The following SH3GLB1 variants were observed in gnomAD, a reference collection of about 807,000 sequenced individuals.
SH3GLB1 encodes the protein endophilin-B1.
In SH3GLB1, 17 loss-of-function variants were observed where a neutral mutation model predicts 42.0. The ratio of observed to expected loss-of-function variants is 0.40; its 90% confidence interval spans 0.28 to 0.61. SH3GLB1 has a LOEUF of 0.61. Among genes scored for constraint, SH3GLB1 ranks in the 20% least tolerant of loss-of-function variants. The pLI, the probability that SH3GLB1 is intolerant of heterozygous loss-of-function variation, is 0.36. For missense variants in SH3GLB1, 355 were observed against 426.3 expected, an observed-to-expected ratio of 0.83 and a Z score of 1.47; for synonymous variants, 132 against 146.6, an observed-to-expected ratio of 0.90 and a Z score of 0.72.
rs1410134048 is a variant in SH3GLB1 at position 86,723,970 on chromosome 1, A to T, written c.478-343A>T. ...GGCTTCTGGCTAGCAGACTCCAATAACATCCCTCCACCAATTGTGACAACC... is the reference window on the plus strand; with the variant it reads ...GGCTTCTGGCTAGCAGACTCCAATATCATCCCTCCACCAATTGTGACAACC... On this transcript the variant is annotated intron_variant, in intron 4 of 8. Coordinates refer to ENST00000370558, the MANE Select transcript of SH3GLB1 (RefSeq NM_016009.5). Among the ~76,000 whole-genome samples the T allele has an allele frequency of 5.3e-5, 8 of 152,348 alleles. No homozygotes were observed. In the East Asian group the frequency reaches 1.5e-3, roughly 29 times the overall value.
intron 1 of SH3GLB1, among the ~76,000 whole-genome samples, chr1:86,705,590 A>G (rs1653814354): frequency 6.6e-6 from 1 of 152,198 alleles, no homozygotes; most frequent in East Asian, 1.9e-4. Context: ...ACTCTTTTTC[A>G]AAATGGGAAG....
At chr1:86,739,366 A>G (rs1194660449) in intron 7 of SH3GLB1, among the ~76,000 whole-genome samples, 1 of 152,180 alleles carries the variant, frequency 6.6e-6, no homozygotes, top group African/African-American at 2.4e-5. Flanking sequence ...AACTAAGAGT[A>G]TGGCCTGGAA....
chr1:86,704,594 G>T lies in SH3GLB1; in HGVS notation c.-306G>T. The T allele has an allele frequency of 4.0e-6, 1 of 251,024 alleles. No homozygotes were observed. Among genetic ancestry groups the T allele is most frequent in the South Asian group, 5.5e-5 (1 of 18,138 alleles). 15.5% of individuals were successfully genotyped at this position (251,024 alleles called of 1,614,324 possible). On this transcript the variant is annotated 5_prime_UTR_variant, in exon 1 of 9. Coordinates refer to ENST00000370558, the MANE Select transcript of SH3GLB1 (RefSeq NM_016009.5). ...CGCGCTTGTTTTTCCCTTGGGACCC[G>T]GGTCCACACGGCGGGGTCGCCCGTC... is the stretch of plus-strand genomic sequence containing the variant.
chr1:86,727,046 T>TAAA (rs1259265858), intron 5 of SH3GLB1, among the ~76,000 whole-genome samples: 1 of 152,020 alleles, frequency 6.6e-6, no homozygotes. Flanking sequence ...ATTTACTTAC[T>TAAA]AGTTTCTTGT....
At chr1:86,712,440 T>C (rs1054738171) in intron 1 of SH3GLB1, among the ~76,000 whole-genome samples, 1 of 152,168 alleles carries the variant, frequency 6.6e-6, no homozygotes, top group African/African-American at 2.4e-5. Context: ...AGATGTGAGA[T>C]TGAATCCCAA....
chr1:86,705,356 C>A (rs1653792420), intron 1 of SH3GLB1, among the ~76,000 whole-genome samples: 1 of 152,290 alleles, frequency 6.6e-6, no homozygotes, highest in East Asian at 1.9e-4. Context: ...TCTTGCACTA[C>A]CCCCCACCCT....
At chr1:86,713,947 T>C (rs1390048850) in intron 1 of SH3GLB1, among the ~76,000 whole-genome samples, 1 of 152,222 alleles carries the variant, frequency 6.6e-6, no homozygotes, top group Non-Finnish European at 1.5e-5. Context: ...CTGAAACCCA[T>C]GTGTTTAGAA....
chr1:86,734,626 C>CA lies in SH3GLB1; in HGVS notation c.598dup (p.Ser200LysfsTer2), dbSNP rs1655688631. On this transcript the variant is annotated frameshift_variant, in exon 6 of 9. Transcript: ENST00000370558. LOFTEE classifies it high-confidence loss of function. ...GTCTGAACAGGAATTAAGAATAACT[C>CA]AAAGTGAATTTGATCGTCAAGCAGA... 6.2e-7 allele frequency: 1 copy of CA among 1,612,770 alleles called. No individual in the cohort carries two copies. The highest frequency in any genetic ancestry group is 1.7e-5 in the Admixed American group (1 of 59,962).
At chr1:86,719,366 T>A (rs188264014) in intron 2 of SH3GLB1, 141 bp from the exon 3 acceptor site, 9 of 444,118 alleles carry the variant, frequency 2.0e-5, no homozygotes, top group African/African-American at 1.8e-4. Flanking sequence ...ACATAAAATT[T>A]AAAAAATTAT....
chr1:86,719,582 TG>T lies in SH3GLB1; in HGVS notation c.293del (p.Gly98AspfsTer4). The T allele has an allele frequency of 5.6e-6, 9 of 1,611,456 alleles. No homozygotes were observed. The highest frequency in any genetic ancestry group is 4.2e-6 in the Non-Finnish European group (5 of 1,178,694). ...APSRINNPEL[L>X]GQYMIDAGTE... Reference sequence around the variant, plus strand: ...AGTCGTATAAACAACCCAGAACTTTTGGGACAATATATGATTGATGCAGGGA... The same window carrying T: ...AGTCGTATAAACAACCCAGAACTTTTGGACAATATATGATTGATGCAGGGA... On this transcript the variant is annotated frameshift_variant, in exon 3 of 9. Transcript: ENST00000370558. LOFTEE classifies it high-confidence loss of function.
chr1:86,736,134 G>A (rs1345461302), intron 7 of SH3GLB1, among the ~76,000 whole-genome samples: 1 of 152,116 alleles, frequency 6.6e-6, no homozygotes, highest in Non-Finnish European at 1.5e-5. Flanking sequence ...TAGTGTTCAA[G>A]AATGGAATGG....
chr1:86,729,132 A>C (rs906775612), intron 5 of SH3GLB1, among the ~76,000 whole-genome samples: 14 of 152,194 alleles, frequency 9.2e-5, no homozygotes, highest in Non-Finnish European at 2.1e-4. Flanking sequence ...TTATTTTAGT[A>C]AAATAGAAAG....
chr1:86,726,131 A>C (rs1655182076), intron 5 of SH3GLB1, among the ~76,000 whole-genome samples: 1 of 152,146 alleles, frequency 6.6e-6, no homozygotes, highest in Non-Finnish European at 1.5e-5. Context: ...AAAAAGGATC[A>C]TTTGGAAATA....
chr1:86,721,335 GA>G (rs902378104), intron 3 of SH3GLB1, among the ~76,000 whole-genome samples: 55 of 152,184 alleles, frequency 3.6e-4, no homozygotes, highest in African/African-American at 1.2e-3. Flanking sequence ...TCATTTTAAA[GA>G]CAAGGAAACA....
intron 1 of SH3GLB1, among the ~76,000 whole-genome samples, chr1:86,714,517 G>C (rs1654399198): frequency 6.6e-6 from 1 of 152,208 alleles, no homozygotes; most frequent in South Asian, 2.1e-4. Context: ...CTAAACAGGA[G>C]CCTCAGTGGA....
chr1:86,735,228 T>A, intron 7 of SH3GLB1, 49 bp downstream of exon 7: 1 of 1,240,030 alleles, frequency 8.1e-7, no homozygotes, highest in Admixed American at 1.7e-5. Flanking sequence ...AGATTTTTGC[T>A]TATGAACTAA....
At chr1:86,709,348 A>G (rs1472705291) in intron 1 of SH3GLB1, among the ~76,000 whole-genome samples, 1 of 152,248 alleles carries the variant, frequency 6.6e-6, no homozygotes. Context: ...TAAGCATGTT[A>G]AATAACAGTA....
At chr1:86,708,601 T>A (rs1324449355) in intron 1 of SH3GLB1, among the ~76,000 whole-genome samples, 1 of 152,250 alleles carries the variant, frequency 6.6e-6, no homozygotes, top group Non-Finnish European at 1.5e-5. Flanking sequence ...AATGTTAGAC[T>A]AGAATGTATA....
chr1:86,724,946 T>A (rs1489214159), intron 5 of SH3GLB1, among the ~76,000 whole-genome samples: 6 of 141,190 alleles, frequency 4.2e-5, no homozygotes, highest in African/African-American at 1.6e-4. Flanking sequence ...TGTATATATA[T>A]AAAATATATA....
Sources: allele counts gnomAD v4.1 joint callset (sites outside exome capture counted in the v4.1 genomes callset), GRCh38; gene constraint gnomAD v4.1.1; transcripts MANE v1.5; gene names NCBI Gene and HGNC (gene_info 2026-07-23, HGNC 2026-07-21).